Variants in TMCC1 observed in about 807,000 individuals in gnomAD.
The protein encoded by TMCC1 is transmembrane and coiled-coil domain family 1.
A neutral mutation model predicts 52.4 loss-of-function variants in TMCC1; 15 were observed. The observed-to-expected ratio is 0.29, with a 90% CI of 0.19 to 0.44. The LOEUF (loss-of-function observed/expected upper bound fraction) is 0.44. TMCC1 is among the 20% of genes least tolerant of loss of function. The pLI is 1.00. For missense variants in TMCC1, 503 were observed against 806.0 expected, an observed-to-expected ratio of 0.62 and a Z score of 4.55; for synonymous variants, 279 against 301.9, an observed-to-expected ratio of 0.92 and a Z score of 0.79.
chr3:129,754,853 G>T (rs1439629559), intron 4 of TMCC1, among the ~76,000 whole-genome samples: 1 of 152,166 alleles, frequency 6.6e-6, no homozygotes, highest in East Asian at 1.9e-4. Context: ...TGAGGTGGGT[G>T]GATCACCTGA....
At chr3:129,740,269 T>C (rs1451803556) in intron 4 of TMCC1, among the ~76,000 whole-genome samples, 1 of 152,236 alleles carries the variant, frequency 6.6e-6, no homozygotes, top group Non-Finnish European at 1.5e-5. Flanking sequence ...ATTGCAAGTC[T>C]GCTAGTCAGA....
chr3:129,855,668 C>G (rs554928139), intron 2 of TMCC1, among the ~76,000 whole-genome samples: 1 of 152,234 alleles, frequency 6.6e-6, no homozygotes, highest in Non-Finnish European at 1.5e-5. Context: ...AAAACAACAA[C>G]AACAACAAAA....
intron 2 of TMCC1, among the ~76,000 whole-genome samples, chr3:129,837,689 G>C (rs967053637): frequency 4.6e-5 from 7 of 152,164 alleles, no homozygotes; most frequent in African/African-American, 1.7e-4. Context: ...ATCAGAGCCA[G>C]ACCCACGTAT....
At chr3:129,819,814 A>G (rs1474137966) in intron 4 of TMCC1, 1 of 152,160 alleles carries the variant, frequency 6.6e-6, no homozygotes, top group African/African-American at 2.4e-5. Flanking sequence ...AAATTGGAAT[A>G]CAAAGATTAT....
At chr3:129,827,111 T>G (rs190924756) in intron 4 of TMCC1, among the ~76,000 whole-genome samples, 157 of 152,298 alleles carry the variant, frequency 1.0e-3, no homozygotes, top group African/African-American at 3.4e-3. Context: ...CCATAACACC[T>G]AAGTTCACTC....
chr3:129,776,264 A>G (rs1053351936), intron 4 of TMCC1, among the ~76,000 whole-genome samples: 15 of 152,220 alleles, frequency 9.9e-5, no homozygotes, highest in African/African-American at 3.6e-4. Context: ...AATCTTGTTT[A>G]TCTTTTTCAC....
At chr3:129,688,338 C>T (rs1560193321) in intron 4 of TMCC1, 1 of 985,350 alleles carries the variant, frequency 1.0e-6, no homozygotes, top group Non-Finnish European at 1.2e-6. Flanking sequence ...TGCAGAGGAG[C>T]TGTGGCATAG....
At chr3:129,831,431 C>G (rs1021885340) in intron 3 of TMCC1, among the ~76,000 whole-genome samples, 2 of 152,122 alleles carry the variant, frequency 1.3e-5, no homozygotes, top group Non-Finnish European at 2.9e-5. Flanking sequence ...AGCACATAGC[C>G]TCACTTAGCA....
intron 2 of TMCC1, among the ~76,000 whole-genome samples, chr3:129,843,654 T>C (rs866858698): frequency 9.9e-5 from 15 of 152,064 alleles, no homozygotes; most frequent in African/African-American, 3.6e-4. Flanking sequence ...TTCCTTGAAA[T>C]ATGACATGAA....
intron 4 of TMCC1, among the ~76,000 whole-genome samples, chr3:129,740,507 A>G (rs1039667965): frequency 1.3e-5 from 2 of 152,174 alleles, no homozygotes; most frequent in Admixed American, 1.3e-4. Flanking sequence ...TATATTCCCA[A>G]ATAATGTTTC....
intron 4 of TMCC1, among the ~76,000 whole-genome samples, chr3:129,764,994 G>A (rs967587153): frequency 6.7e-6 from 1 of 150,308 alleles, no homozygotes; most frequent in African/African-American, 2.4e-5. Flanking sequence ...TAGAAAGAGG[G>A]TCTTACTATA....
At chr3:129,873,822 T>C (rs1211567349) in intron 2 of TMCC1, among the ~76,000 whole-genome samples, 1 of 152,224 alleles carries the variant, frequency 6.6e-6, no homozygotes, top group Non-Finnish European at 1.5e-5. Context: ...TTTGAAATAT[T>C]TGCATTATAC....
intron 3 of TMCC1, among the ~76,000 whole-genome samples, chr3:129,832,152 C>T (rs2058950394): frequency 2.0e-5 from 3 of 152,130 alleles, no homozygotes; most frequent in Non-Finnish European, 4.4e-5. Context: ...TCACCGCGCC[C>T]CACCCAACTA....
intron 4 of TMCC1, among the ~76,000 whole-genome samples, chr3:129,736,721 T>C (rs1478895080): frequency 6.6e-6 from 1 of 151,856 alleles, no homozygotes; most frequent in East Asian, 1.9e-4. Flanking sequence ...AGGGTTTCAC[T>C]GTGTTGGTCA....
chr3:129,739,953 G>A (rs770621141), intron 4 of TMCC1, among the ~76,000 whole-genome samples: 9 of 152,144 alleles, frequency 5.9e-5, no homozygotes, highest in East Asian at 1.9e-4. Flanking sequence ...GCTATTCCTC[G>A]TCATTTATTA....
rs538799253 is a variant in TMCC1, at chr3:129,837,213, G to A, written c.-183-4387C>T. On this transcript the variant is annotated intron_variant, in intron 2 of 6. Coordinates refer to ENST00000393238, the MANE Select transcript of TMCC1 (RefSeq NM_001017395.5). ...CTGAAGGCCACACCCCCAAGACCCA[G>A]GTTCTACTATCTGCATAAATCTGAG... Among the ~76,000 whole-genome samples the A allele has an allele frequency of 5.3e-5, 8 of 152,118 alleles. No homozygotes were observed. In the East Asian group the frequency reaches 1.5e-3, roughly 29 times the overall value.
chr3:129,883,000 T>TA (rs1288531598), intron 1 of TMCC1, among the ~76,000 whole-genome samples: 1 of 152,126 alleles, frequency 6.6e-6, no homozygotes, highest in East Asian at 1.9e-4. Context: ...TAAAAATGGT[T>TA]AAAATCAGCC....
chr3:129,838,743 ACT>A (rs1483856739), intron 2 of TMCC1, among the ~76,000 whole-genome samples: 65 of 107,210 alleles, frequency 6.1e-4, no homozygotes, highest in African/African-American at 2.3e-3. Context: ...ACAGAGCAAG[ACT>A]CTGTCTCAAA....
intron 5 of TMCC1, among the ~76,000 whole-genome samples, chr3:129,655,916 T>C (rs2086638960): frequency 6.6e-6 from 1 of 152,168 alleles, no homozygotes; most frequent in South Asian, 2.1e-4. Context: ...TCAGAGATTC[T>C]AGGTGGAAAA....
Sources: gnomAD v4.1 joint callset for allele counts (sites outside exome capture counted in the v4.1 genomes callset) on GRCh38, gnomAD v4.1.1 for gene constraint, MANE v1.5 for transcripts, NCBI Gene and HGNC (gene_info 2026-07-23, HGNC 2026-07-21) for gene names.